The following KCNH5 variants were observed in gnomAD, a reference collection of about 807,000 sequenced individuals.
KCNH5 encodes the protein voltage-gated delayed rectifier potassium channel KCNH5.
KCNH5 carries 46 observed loss-of-function variants against 96.1 expected under a neutral mutation model. The ratio of observed to expected loss-of-function variants is 0.48; its 90% confidence interval spans 0.38 to 0.61. KCNH5 has a LOEUF of 0.61. Ranked by LOEUF, KCNH5 falls within the 20% of genes least tolerant of loss-of-function variation. The pLI is 0.00. For missense variants in KCNH5, 907 were observed against 1,225.8 expected (o/e 0.74, Z 3.88); for synonymous variants, 439 against 449.8 (o/e 0.98, Z 0.30).
chr14:62,740,873 T>C (rs2139934532), intron 10 of KCNH5, among the ~76,000 whole-genome samples: 1 of 152,324 alleles, frequency 6.6e-6, no homozygotes, highest in South Asian at 2.1e-4. Flanking sequence ...CGAGCAGCAA[T>C]TTAAAATAAA....
chr14:62,852,150 A>G (rs1248021021), intron 7 of KCNH5, among the ~76,000 whole-genome samples: 1 of 152,216 alleles, frequency 6.6e-6, no homozygotes, highest in East Asian at 1.9e-4. Context: ...ATAATGATCA[A>G]ATCAGGGTAA....
At chr14:62,908,782 ATTTTTTTTTTTTTTT>A (rs71120241) in intron 7 of KCNH5, among the ~76,000 whole-genome samples, 14 of 23,718 alleles carry the variant, frequency 5.9e-4, no homozygotes, top group African/African-American at 1.8e-3. Flanking sequence ...TTTGCTTTGT[ATTTTTTTTTTTTTTT>A]TTTTTTTTTT....
At chr14:62,779,662 G>C in intron 10 of KCNH5, 66 bp downstream of exon 10, 2 of 1,328,072 alleles carry the variant, frequency 1.5e-6, no homozygotes, top group Non-Finnish European at 2.0e-6. Flanking sequence ...CTACTCTTCA[G>C]CTAATAGAGC....
At chr14:63,022,007 G>A (rs1451798542) in intron 1 of KCNH5, among the ~76,000 whole-genome samples, 2 of 152,092 alleles carry the variant, frequency 1.3e-5, no homozygotes, top group African/African-American at 4.8e-5. Context: ...AGTAACTCAT[G>A]ATTGTATATC....
At chr14:62,712,123 T>C (rs937686448) in intron 10 of KCNH5, 15 of 154,378 alleles carry the variant, frequency 9.7e-5, no homozygotes, top group Admixed American at 2.5e-4. Flanking sequence ...ATCTATACAA[T>C]TGGAACTGAC....
At chr14:62,916,683 C>G (rs1341976588) in intron 7 of KCNH5, among the ~76,000 whole-genome samples, 2 of 152,128 alleles carry the variant, frequency 1.3e-5, no homozygotes, top group African/African-American at 4.8e-5. Context: ...TTTGAGAACA[C>G]AGAGGGGCTC....
At position 62,981,288 on chromosome 14, in the gene KCNH5, T is replaced by C. The variant is rs537091312; in HGVS notation, c.550-24A>G. On this transcript the variant is annotated intron_variant, in intron 5 of 10. Coordinates refer to ENST00000322893, the MANE Select transcript of KCNH5 (RefSeq NM_139318.5). ...ACCTAAAAGAGAGAAAATGTATTTA[T>C]ACATGACTAGGTTATCTCTGCACAG... is the stretch of plus-strand genomic sequence containing the variant. 42 of 1,609,920 alleles carry C rather than the reference T, an allele frequency of 2.6e-5. 2 individuals carry two copies. The South Asian group carries it at 3.9e-4, about 15-fold the overall frequency.
intron 10 of KCNH5, among the ~76,000 whole-genome samples, chr14:62,754,309 T>A (rs1264079145): frequency 6.6e-6 from 1 of 151,564 alleles, no homozygotes; most frequent in Non-Finnish European, 1.5e-5. Flanking sequence ...AAATCACCTA[T>A]ACTAAAAGAA....
chr14:62,882,101 A>AAAT, intron 7 of KCNH5, among the ~76,000 whole-genome samples: 1 of 10,946 alleles, frequency 9.1e-5, no homozygotes, highest in African/African-American at 8.4e-4. Context: ...CCCATTTCTT[A>AAAT]AAAAAAAAAA....
At chr14:62,723,197 C>G (rs1410813372) in intron 10 of KCNH5, among the ~76,000 whole-genome samples, 1 of 152,032 alleles carries the variant, frequency 6.6e-6, no homozygotes, top group African/African-American at 2.4e-5. Flanking sequence ...ACAAGTCCAG[C>G]ATGTGTATTT....
intron 7 of KCNH5, among the ~76,000 whole-genome samples, chr14:62,939,202 A>G (rs1023234076): frequency 2.0e-5 from 3 of 151,980 alleles, no homozygotes; most frequent in Non-Finnish European, 4.4e-5. Context: ...CTTCCTTCTT[A>G]AAGCTCTCTC....
At chr14:62,971,620 T>C (rs994647177) in intron 6 of KCNH5, among the ~76,000 whole-genome samples, 1 of 151,146 alleles carries the variant, frequency 6.6e-6, no homozygotes, top group African/African-American at 2.4e-5. Context: ...TATAAAAGTA[T>C]AGCAATAAAG....
At chr14:62,962,744 G>A (rs1448312072) in intron 6 of KCNH5, among the ~76,000 whole-genome samples, 1 of 152,158 alleles carries the variant, frequency 6.6e-6, no homozygotes, top group Non-Finnish European at 1.5e-5. Context: ...ATGATCCACA[G>A]ATGAAACAAA....
chr14:62,837,901 G>A (rs1319968904), intron 8 of KCNH5, among the ~76,000 whole-genome samples: 3 of 152,102 alleles, frequency 2.0e-5, no homozygotes, highest in Non-Finnish European at 2.9e-5. Context: ...AGACAAGAGG[G>A]ATCTTAATTG....
At chr14:63,043,351 A>C (rs1891862160) in intron 1 of KCNH5, among the ~76,000 whole-genome samples, 1 of 152,250 alleles carries the variant, frequency 6.6e-6, no homozygotes, top group African/African-American at 2.4e-5. Context: ...CATAGACCAA[A>C]TTGCGTGAAG....
rs555800796 is a variant in KCNH5, at chr14:62,764,221, T to G, written c.2019+15507A>C. Among the ~76,000 whole-genome samples, 43 of 152,180 alleles carry G rather than the reference T, an allele frequency of 2.8e-4. No individual in the cohort carries two copies. The South Asian group carries it at 3.7e-3, about 13-fold the overall frequency. On this transcript the variant is annotated intron_variant, in intron 10 of 10. Transcript: ENST00000322893. ...TGGGATGCAAGACTGGTTAAACACATGCAAATCAATAAATGTGATTCATTA... is the reference window on the plus strand; with the variant it reads ...TGGGATGCAAGACTGGTTAAACACAGGCAAATCAATAAATGTGATTCATTA...
At chr14:62,953,093 A>T (rs973799497) in intron 6 of KCNH5, among the ~76,000 whole-genome samples, 1 of 151,798 alleles carries the variant, frequency 6.6e-6, no homozygotes, top group African/African-American at 2.4e-5. Context: ...TAAACATTAT[A>T]AAATGTTTTA....
intron 8 of KCNH5, among the ~76,000 whole-genome samples, chr14:62,840,936 G>A (rs928769489): frequency 7.2e-5 from 11 of 151,912 alleles, no homozygotes; most frequent in Admixed American, 1.3e-4. Context: ...ACAACCTGTT[G>A]CTGCCTTCTG....
At chr14:62,984,561 G>A (rs1208169295) in intron 5 of KCNH5, among the ~76,000 whole-genome samples, 1 of 152,132 alleles carries the variant, frequency 6.6e-6, no homozygotes, top group East Asian at 1.9e-4. Context: ...TACTTATTTG[G>A]TATTTCTTTT....
Sources: allele counts gnomAD v4.1 joint callset (sites outside exome capture counted in the v4.1 genomes callset), GRCh38; gene constraint gnomAD v4.1.1; transcripts MANE v1.5; gene names NCBI Gene and HGNC (gene_info 2026-07-23, HGNC 2026-07-21).